The following RB1 variants were observed in gnomAD, a reference collection of about 807,000 sequenced individuals.
RB1 encodes RB transcriptional corepressor 1, also known as retinoblastoma-associated protein.
RB1 carries 18 observed loss-of-function variants against 135.4 expected under a neutral mutation model. The observed-to-expected ratio is 0.13, with a 90% confidence interval of 0.09 to 0.20. The LOEUF is 0.20. Among genes scored for constraint, RB1 ranks in the 10% least tolerant of loss-of-function variants. The pLI is 1.00. For missense variants in RB1, 868 were observed against 1,110.0 expected (o/e 0.78, Z 3.10); for synonymous variants, 365 against 373.2 (o/e 0.98, Z 0.25).
chr13:48,466,458 A>G (rs1453507379), intron 23 of RB1, among the ~76,000 whole-genome samples: 1 of 146,416 alleles, frequency 6.8e-6, no homozygotes, highest in African/African-American at 2.5e-5. Context: ...AAGATGGGGA[A>G]AAAACAGAAC....
At chr13:48,327,804 C>A (rs889722157) in intron 2 of RB1, among the ~76,000 whole-genome samples, 3 of 152,080 alleles carry the variant, frequency 2.0e-5, no homozygotes, top group Non-Finnish European at 4.4e-5. Context: ...ATAGGCAATT[C>A]TTAAAAAGGT....
chr13:48,316,404 A>C (rs570740099), intron 2 of RB1, among the ~76,000 whole-genome samples: 1 of 152,112 alleles, frequency 6.6e-6, no homozygotes, highest in Admixed American at 6.5e-5. Context: ...ACCGACGGAC[A>C]TTCTCACCAG....
chr13:48,316,942 C>A, intron 2 of RB1: 1 of 365,114 alleles, frequency 2.7e-6, no homozygotes, highest in Non-Finnish European at 5.3e-6. Context: ...AAGGCGTGCC[C>A]GCCCAAGGTG....
intron 17 of RB1, among the ~76,000 whole-genome samples, chr13:48,401,045 T>C (rs1361185386): frequency 1.3e-5 from 2 of 152,150 alleles, no homozygotes; most frequent in Non-Finnish European, 2.9e-5. Flanking sequence ...CACTGTTATA[T>C]TACAGTTGGA....
At chr13:48,349,891 C>G (rs1338022631) in intron 6 of RB1, among the ~76,000 whole-genome samples, 1 of 151,884 alleles carries the variant, frequency 6.6e-6, no homozygotes, top group Non-Finnish European at 1.5e-5. Context: ...GCAGGGGTCA[C>G]TATACTTATA....
intron 17 of RB1, chr13:48,412,534 A>G: frequency 1.3e-6 from 1 of 770,936 alleles, no homozygotes; most frequent in Non-Finnish European, 2.4e-6. Context: ...AATTATCTGG[A>G]TCTTTGGATG....
chr13:48,326,624 G>A (rs1223144414), intron 2 of RB1, among the ~76,000 whole-genome samples: 1 of 151,964 alleles, frequency 6.6e-6, no homozygotes, highest in Non-Finnish European at 1.5e-5. Flanking sequence ...CATTTCCATT[G>A]TTTTACCTGG....
At chr13:48,381,945 G>A (rs2138146737) in intron 17 of RB1, among the ~76,000 whole-genome samples, 1 of 152,252 alleles carries the variant, frequency 6.6e-6, no homozygotes, top group South Asian at 2.1e-4. Context: ...AACATGCAGT[G>A]TTTGGTTTTC....
chr13:48,411,932 G>A (rs996384876), intron 17 of RB1: 2 of 1,612,412 alleles, frequency 1.2e-6, no homozygotes, highest in Non-Finnish European at 1.7e-6. Context: ...AGGCTTCTGA[G>A]GCATTGTTAC....
intron 13 of RB1, among the ~76,000 whole-genome samples, chr13:48,378,376 T>G (rs969143013): frequency 6.6e-6 from 1 of 152,138 alleles, no homozygotes; most frequent in Admixed American, 6.5e-5. Flanking sequence ...TTCATAAAGA[T>G]TTTTGCCAAA....
Position 48,319,664 on chromosome 13 carries a change from C to A in RB1, c.264+12258C>A. On this transcript the variant is annotated intron_variant, in intron 2 of 26. Coordinates refer to ENST00000267163, the MANE Select transcript of RB1 (RefSeq NM_000321.3). The surrounding 1 kb of genome is among the most constrained non-coding windows in gnomAD (Gnocchi z 5.0). ...GGGCGCCCTTCAGACCCTGCCGATG[C>A]GCCACCTTTGCGGCTAGCTCTTCGT... 4.0e-6 allele frequency: 1 copy of A among 252,196 alleles called. No individual in the cohort carries two copies. Among genetic ancestry groups the A allele is most frequent in the South Asian group, 5.9e-5 (1 of 16,868 alleles). The allele number at this position is 252,196 out of a possible 1,614,324, so 15.6% of individuals were successfully genotyped here. A position where few individuals can be genotyped will look rare whatever the true frequency, so the allele number is the denominator to read the frequency against.
intron 5 of RB1, 96 bp from the exon 6 acceptor site, chr13:48,348,860 A>T: frequency 1.4e-6 from 2 of 1,419,914 alleles, no homozygotes; most frequent in Admixed American, 2.3e-5. Context: ...TTTTTTTTTA[A>T]TGCACAAAAA....
chr13:48,334,757 T>G (rs560910464), intron 2 of RB1, among the ~76,000 whole-genome samples: 26 of 152,182 alleles, frequency 1.7e-4, no homozygotes, highest in Non-Finnish European at 3.8e-4. Flanking sequence ...GTGCATTGTT[T>G]AAAAAAGCGA....
intron 18 of RB1, among the ~76,000 whole-genome samples, chr13:48,454,563 C>T (rs1046539773): frequency 6.6e-6 from 1 of 152,120 alleles, no homozygotes; most frequent in African/African-American, 2.4e-5. Flanking sequence ...AGCTTACATT[C>T]TGGAGGAGGA....
intron 14 of RB1, among the ~76,000 whole-genome samples, chr13:48,379,851 T>A (rs960471187): frequency 6.6e-6 from 1 of 151,020 alleles, no homozygotes; most frequent in Non-Finnish European, 1.5e-5. Flanking sequence ...TCCCAGCTAC[T>A]TGGCAGGCTG....
At chr13:48,437,250 A>G (rs971333926) in intron 17 of RB1, among the ~76,000 whole-genome samples, 2 of 152,226 alleles carry the variant, frequency 1.3e-5, no homozygotes, top group African/African-American at 4.8e-5. Flanking sequence ...TTGAGTAGAT[A>G]AGTAATAACA....
intron 7 of RB1, chr13:48,360,843 T>A (rs1333906197): frequency 6.6e-6 from 1 of 152,082 alleles, no homozygotes; most frequent in Non-Finnish European, 1.5e-5. Context: ...TAAACTTACT[T>A]AAGGTCAGAC....
At chr13:48,433,948 TC>T (rs1026859797) in intron 17 of RB1, among the ~76,000 whole-genome samples, 1 of 151,884 alleles carries the variant, frequency 6.6e-6, no homozygotes, top group Non-Finnish European at 1.5e-5. Context: ...GGTCTTGAAC[TC>T]CTGGACTCAA....
At chr13:48,304,717 A>G (rs972847169) in intron 1 of RB1, among the ~76,000 whole-genome samples, 1 of 152,212 alleles carries the variant, frequency 6.6e-6, no homozygotes, top group Non-Finnish European at 1.5e-5. Context: ...AAACATGGGC[A>G]AAACTTTCAT....
Sources: gnomAD v4.1 joint callset for allele counts (sites outside exome capture counted in the v4.1 genomes callset) on GRCh38, gnomAD v4.1.1 for gene constraint, Gnocchi (gnomAD v3.1) non-coding constraint, MANE v1.5 for transcripts, NCBI Gene and HGNC (gene_info 2026-07-23, HGNC 2026-07-21) for gene names.